Variants in JAZF1 observed in about 807,000 individuals in gnomAD.
The protein encoded by JAZF1 is juxtaposed with another zinc finger protein 1.
Under a neutral mutation model 26.4 loss-of-function variants are expected in JAZF1, and 8 were observed. The ratio of observed to expected loss-of-function variants is 0.30; its 90% CI spans 0.18 to 0.55. JAZF1 has a LOEUF of 0.55. Among genes scored for constraint, JAZF1 ranks in the 20% least tolerant of loss-of-function variants. JAZF1 has a pLI of 0.94. For synonymous variants in JAZF1, 126 were observed against 122.3 expected, an observed-to-expected ratio of 1.03 and a Z score of -0.20; for missense variants, 199 against 322.0, an observed-to-expected ratio of 0.62 and a Z score of 2.92.
chr7:28,067,042 A>C (rs1399113381), intron 1 of JAZF1, among the ~76,000 whole-genome samples: 2 of 152,158 alleles, frequency 1.3e-5, no homozygotes, highest in Non-Finnish European at 1.5e-5. Flanking sequence ...CTACCCTTGA[A>C]AATGAGAATC....
chr7:27,923,701 C>T (rs889000586), intron 2 of JAZF1, among the ~76,000 whole-genome samples: 1 of 152,208 alleles, frequency 6.6e-6, no homozygotes, highest in Non-Finnish European at 1.5e-5. Flanking sequence ...ACTTGGCACA[C>T]TAGGAGAGGA....
chr7:28,097,527 C>G (rs1294546142), intron 1 of JAZF1, among the ~76,000 whole-genome samples: 2 of 152,170 alleles, frequency 1.3e-5, no homozygotes, highest in Non-Finnish European at 2.9e-5. Context: ...TGAAGTCACA[C>G]ACATTGATAC....
At chr7:28,109,278 T>C (rs1784601759) in intron 1 of JAZF1, among the ~76,000 whole-genome samples, 1 of 152,238 alleles carries the variant, frequency 6.6e-6, no homozygotes, top group African/African-American at 2.4e-5. Flanking sequence ...TTTCTGGTAA[T>C]CATTCCACAA....
At chr7:28,088,374 T>C (rs1488566012) in intron 1 of JAZF1, among the ~76,000 whole-genome samples, 2 of 152,230 alleles carry the variant, frequency 1.3e-5, no homozygotes, top group Non-Finnish European at 1.5e-5. Flanking sequence ...CTGTGCCTTA[T>C]AAGGAAATTA....
intron 1 of JAZF1, among the ~76,000 whole-genome samples, chr7:28,158,168 AACACACACAC>A (rs759047365): frequency 1.4e-5 from 2 of 142,406 alleles, no homozygotes; most frequent in Non-Finnish European, 3.1e-5. Flanking sequence ...CACACACACA[AACACACACAC>A]ACACACACAG....
chr7:27,839,973 G>C (rs1782890525), intron 4 of JAZF1, among the ~76,000 whole-genome samples: 1 of 152,124 alleles, frequency 6.6e-6, no homozygotes, highest in Non-Finnish European at 1.5e-5. Context: ...GGGGAAGTTT[G>C]CAATTTTGTT....
At chr7:27,856,240 C>G (rs1416235723) in intron 3 of JAZF1, among the ~76,000 whole-genome samples, 1 of 152,126 alleles carries the variant, frequency 6.6e-6, no homozygotes, top group Non-Finnish European at 1.5e-5. Context: ...TGCAGACCTT[C>G]GCGGTGAGCG....
chr7:27,978,477 G>T (rs758257011), intron 2 of JAZF1, among the ~76,000 whole-genome samples: 3 of 152,158 alleles, frequency 2.0e-5, no homozygotes, highest in Non-Finnish European at 2.9e-5. Flanking sequence ...GCAAAATTTT[G>T]TCCTTGTTTT....
rs971160925 is a variant in JAZF1 at position 28,071,723 on chromosome 7, C to T, written c.116-79742G>A. ...TGATGACAAAAATATGCTTGGTTTACAAAGACAGGCAACATGGAAGGACAC... is the reference window on the plus strand; with the variant it reads ...TGATGACAAAAATATGCTTGGTTTATAAAGACAGGCAACATGGAAGGACAC... On this transcript the variant is annotated intron_variant, in intron 1 of 4. Transcript: ENST00000283928. The T allele has an allele frequency of 3.1e-5, 14 of 451,120 alleles. No homozygotes were observed. In the Admixed American group the frequency reaches 3.8e-4, roughly 12 times the overall value. 27.9% of individuals were successfully genotyped at this position (451,120 alleles called of 1,614,324 possible).
chr7:27,889,008 G>A (rs1026193191), intron 3 of JAZF1, among the ~76,000 whole-genome samples: 40 of 152,198 alleles, frequency 2.6e-4, no homozygotes, highest in African/African-American at 8.9e-4. Context: ...ACGGATTACA[G>A]TAATCTTTCT....
intron 2 of JAZF1, among the ~76,000 whole-genome samples, chr7:27,955,486 G>C (rs1785072712): frequency 6.6e-6 from 1 of 152,150 alleles, no homozygotes; most frequent in Non-Finnish European, 1.5e-5. Flanking sequence ...CTAAAGCCTT[G>C]TAAGTTTCCT....
chr7:27,892,212 A>G (rs938819068), intron 3 of JAZF1, among the ~76,000 whole-genome samples: 4 of 152,210 alleles, frequency 2.6e-5, no homozygotes, highest in African/African-American at 7.2e-5. Context: ...TTAAGAAACC[A>G]TTTCCCCTGC....
chr7:28,007,459 C>G (rs1031955325), intron 1 of JAZF1, among the ~76,000 whole-genome samples: 3 of 152,022 alleles, frequency 2.0e-5, no homozygotes, highest in African/African-American at 4.8e-5. Flanking sequence ...ATCCCAGCTA[C>G]TGGGGAGGCT....
chr7:28,123,593 T>C (rs1782639290), intron 1 of JAZF1, among the ~76,000 whole-genome samples: 1 of 152,254 alleles, frequency 6.6e-6, no homozygotes, highest in Non-Finnish European at 1.5e-5. Flanking sequence ...ATATTCTAAA[T>C]GCCCATTGTG....
chr7:27,985,794 T>G (rs2128363468), intron 2 of JAZF1, among the ~76,000 whole-genome samples: 1 of 152,302 alleles, frequency 6.6e-6, no homozygotes, highest in East Asian at 1.9e-4. Context: ...CAAGGCTGGT[T>G]CAACATACTC....
chr7:27,835,068 G>A (rs956759968), intron 4 of JAZF1, among the ~76,000 whole-genome samples: 1 of 152,120 alleles, frequency 6.6e-6, no homozygotes, highest in Non-Finnish European at 1.5e-5. Context: ...GTGGATGAAG[G>A]GCTACTAAAA....
At chr7:27,868,539 C>A (rs559040780) in intron 3 of JAZF1, among the ~76,000 whole-genome samples, 1 of 152,272 alleles carries the variant, frequency 6.6e-6, no homozygotes, top group African/African-American at 2.4e-5. Context: ...GCTGCCCTGC[C>A]CCAGCCTATC....
chr7:28,096,107 G>T (rs2127924874), intron 1 of JAZF1, among the ~76,000 whole-genome samples: 1 of 152,340 alleles, frequency 6.6e-6, no homozygotes, highest in African/African-American at 2.4e-5. Flanking sequence ...AGGATGGCGT[G>T]AGACAGAAGA....
chr7:28,082,146 G>A (rs1459089765), intron 1 of JAZF1, among the ~76,000 whole-genome samples: 1 of 152,182 alleles, frequency 6.6e-6, no homozygotes, highest in Non-Finnish European at 1.5e-5. Context: ...GCCTGCTAAA[G>A]TATCCTTTAG....
Sources: gnomAD v4.1 joint callset for allele counts (sites outside exome capture counted in the v4.1 genomes callset) on GRCh38, gnomAD v4.1.1 for gene constraint, MANE v1.5 for transcripts, NCBI Gene and HGNC (gene_info 2026-07-23, HGNC 2026-07-21) for gene names.